CLYBL: variants seen among roughly 807,000 people sequenced by gnomAD.
CLYBL encodes citramalyl-CoA lyase, also known as citramalyl-CoA lyase, mitochondrial.
CLYBL carries 31 observed loss-of-function variants against 38.9 expected under a neutral mutation model. The ratio of observed to expected loss-of-function variants is 0.80; its 90% confidence interval spans 0.60 to 1.08. The LOEUF is 1.08. CLYBL is among the 50% of genes least tolerant of loss of function. The probability of loss-of-function intolerance (pLI) is 0.00; values close to 1 mark genes in which losing one functional copy is unlikely to be tolerated. For synonymous variants in CLYBL, 171 were observed against 158.6 expected, an observed-to-expected ratio of 1.08 and a Z score of -0.59; for missense variants, 434 against 411.6, an observed-to-expected ratio of 1.05 and a Z score of -0.47.
rs190679006 is a variant in CLYBL, at chr13:99,649,002, A to G, written c.62+42245A>G. Among the ~76,000 whole-genome samples, 38 of 152,040 alleles carry G rather than the reference A, an allele frequency of 2.5e-4. No individual in the cohort carries two copies. The East Asian group carries it at 6.7e-3, about 27-fold the overall frequency. On this transcript the variant is annotated intron_variant, in intron 1 of 8. Transcript: ENST00000339105. ...ACAGGAGATGTAAATTAATAAAATC[A>G]TCTAGGATGCTAAATGCATAAACTT... is the stretch of plus-strand genomic sequence containing the variant.
intron 2 of CLYBL, among the ~76,000 whole-genome samples, chr13:99,796,288 G>C (rs2050020521): frequency 6.6e-6 from 1 of 152,094 alleles, no homozygotes; most frequent in African/African-American, 2.4e-5. Flanking sequence ...CCTGGGTTTG[G>C]CTGGAGGACA....
At chr13:99,768,494 CTTTTTTTTTTTTTTTTT>C (rs779750350) in intron 1 of CLYBL, among the ~76,000 whole-genome samples, 5 of 84,890 alleles carry the variant, frequency 5.9e-5, no homozygotes, top group Admixed American at 1.6e-4. Flanking sequence ...CGCCCGACCT[CTTTTTTTTTTTTTTTTT>C]TTTTTTTTTT....
At position 99,740,002 on chromosome 13, in the gene CLYBL, T is replaced by C. The variant is rs141150017; in HGVS notation, c.63-32822T>C. Among the ~76,000 whole-genome samples, 195 of 152,078 alleles carry C rather than the reference T, an allele frequency of 1.3e-3. 2 individuals carry two copies. The highest frequency in any genetic ancestry group is 4.4e-3 in the African/African-American group (184 of 41,512). On this transcript the variant is annotated intron_variant, in intron 1 of 8. Coordinates refer to ENST00000339105, the MANE Select transcript of CLYBL (RefSeq NM_206808.5). ...AAAAAAAACAAAAAAACAAAAAAAC[T>C]GTATTTGTAAAAACCTGAACAAAGA...
intron 1 of CLYBL, among the ~76,000 whole-genome samples, chr13:99,655,493 C>T (rs569042137): frequency 6.6e-6 from 1 of 152,338 alleles, no homozygotes; most frequent in East Asian, 1.9e-4. Flanking sequence ...GACAGAAATG[C>T]AAGTCAGTGG....
chr13:99,898,241 A>G (rs570824485), downstream of CLYBL, among the ~76,000 whole-genome samples: 3 of 152,332 alleles, frequency 2.0e-5, no homozygotes, highest in South Asian at 6.2e-4. Context: ...AATTTCCTTC[A>G]TAATCAGACA....
intron 2 of CLYBL, among the ~76,000 whole-genome samples, chr13:99,855,787 GA>G (rs920463271): frequency 6.3e-4 from 93 of 146,594 alleles, no homozygotes; most frequent in South Asian, 8.7e-4. Context: ...ATACCAAAAA[GA>G]AAAAAAAAAA....
chr13:99,773,964 T>C (rs2049455985), intron 2 of CLYBL, among the ~76,000 whole-genome samples: 1 of 152,050 alleles, frequency 6.6e-6, no homozygotes, highest in Non-Finnish European at 1.5e-5. Context: ...ATGAGGTGGC[T>C]CATGCCTATA....
At chr13:99,614,256 C>T (rs1001985721) in intron 1 of CLYBL, among the ~76,000 whole-genome samples, 3 of 152,084 alleles carry the variant, frequency 2.0e-5, no homozygotes, top group African/African-American at 7.2e-5. Flanking sequence ...CTGGAATGGC[C>T]TCCATTCTAG....
chr13:99,846,424 C>CTACTT (rs1304563404), intron 2 of CLYBL, among the ~76,000 whole-genome samples: 2 of 151,118 alleles, frequency 1.3e-5, no homozygotes, highest in African/African-American at 2.4e-5. Context: ...AAAGCCCTGT[C>CTACTT]TACTTTAAAA....
At chr13:99,691,733 TCCTC>T (rs1307513811) in intron 1 of CLYBL, among the ~76,000 whole-genome samples, 1 of 152,214 alleles carries the variant, frequency 6.6e-6, no homozygotes, top group East Asian at 1.9e-4. Context: ...AATAGCGACT[TCCTC>T]CCTTCTTCCG....
At chr13:99,834,476 C>A (rs1021332730) in intron 2 of CLYBL, among the ~76,000 whole-genome samples, 2 of 152,216 alleles carry the variant, frequency 1.3e-5, no homozygotes, top group African/African-American at 4.8e-5. Flanking sequence ...ACTCATTCCC[C>A]CTTCCTGAAG....
intron 1 of CLYBL, among the ~76,000 whole-genome samples, chr13:99,764,744 A>G (rs879708260): frequency 3.9e-5 from 6 of 151,904 alleles, no homozygotes; most frequent in Non-Finnish European, 8.8e-5. Flanking sequence ...TGAAATGATC[A>G]TGGGTCACTA....
At chr13:99,676,206 T>G (rs200372887) in intron 1 of CLYBL, among the ~76,000 whole-genome samples, 70 of 74,592 alleles carry the variant, frequency 9.4e-4, no homozygotes, top group Middle Eastern at 7.7e-3. Flanking sequence ...CCTTCCTTCC[T>G]TCCTTCCTTC....
At chr13:99,732,003 G>A (rs2048599742) in intron 1 of CLYBL, among the ~76,000 whole-genome samples, 1 of 152,088 alleles carries the variant, frequency 6.6e-6, no homozygotes, top group African/African-American at 2.4e-5. Context: ...AGGGGCTTGG[G>A]ATGGCTGCAG....
chr13:99,792,531 G>A (rs1395682496), intron 2 of CLYBL, among the ~76,000 whole-genome samples: 1 of 152,150 alleles, frequency 6.6e-6, no homozygotes, highest in African/African-American at 2.4e-5. Context: ...GAAGGCAAAT[G>A]CCTTCTAAGT....
chr13:99,673,237 AC>A (rs2047593439), intron 1 of CLYBL, among the ~76,000 whole-genome samples: 2 of 151,998 alleles, frequency 1.3e-5, no homozygotes. Context: ...ACATGGTGAA[AC>A]CCTGTTTCTA....
chr13:99,606,891 T>G (rs961164655), intron 1 of CLYBL, 134 bp downstream of exon 1: 9 of 1,260,352 alleles, frequency 7.1e-6, no homozygotes, highest in African/African-American at 1.6e-5. Context: ...ACCATGCGCC[T>G]CCCACGCGCT....
chr13:99,646,814 A>G (rs977052799), intron 1 of CLYBL, among the ~76,000 whole-genome samples: 16 of 151,292 alleles, frequency 1.1e-4, no homozygotes, highest in African/African-American at 3.9e-4. Flanking sequence ...GTGAGCCACC[A>G]CGCCTGGCTG....
rs867024122 is a variant in CLYBL at position 99,794,746 on chromosome 13, C to T, written c.249+21736C>T. ...AGTTGGGATTACAGGCATGTGCCAC[C>T]ACACCTGGCTAATTTTTGTATTTTT... On this transcript the variant is annotated intron_variant, in intron 2 of 8. Transcript: ENST00000339105. Among the ~76,000 whole-genome samples, 52 of 151,918 alleles carry T rather than the reference C, an allele frequency of 3.4e-4. No homozygotes were observed. In the Middle Eastern group the frequency reaches 0.01, roughly 30 times the overall value.
Sources: gnomAD v4.1 joint callset for allele counts (sites outside exome capture counted in the v4.1 genomes callset) on GRCh38, gnomAD v4.1.1 for gene constraint, MANE v1.5 for transcripts, NCBI Gene and HGNC (gene_info 2026-07-23, HGNC 2026-07-21) for gene names.